The following TMEM184B variants were observed in gnomAD, a reference collection of about 807,000 sequenced individuals.
TMEM184B encodes putative MAPK-activating protein FM08.
Under a neutral mutation model 41.8 loss-of-function variants are expected in TMEM184B, and 17 were observed. That is an observed-to-expected ratio of 0.41 (90% CI 0.28 to 0.61). TMEM184B has a LOEUF of 0.61. Ranked by LOEUF, TMEM184B falls within the 20% of genes least tolerant of loss-of-function variation. TMEM184B has a pLI of 0.34. For missense variants in TMEM184B, 393 were observed against 557.8 expected (o/e 0.70, Z 2.98); for synonymous variants, 240 against 229.5 (o/e 1.05, Z -0.41).
chr22:38,245,731 C>T (rs1057145254), intron 3 of TMEM184B, among the ~76,000 whole-genome samples: 3 of 152,180 alleles, frequency 2.0e-5, no homozygotes, highest in Non-Finnish European at 4.4e-5. Context: ...GGTGGAGGGC[C>T]CTTGCTTCCA....
chr22:38,227,681 T>A (rs1269444335), intron 5 of TMEM184B, among the ~76,000 whole-genome samples: 1 of 152,136 alleles, frequency 6.6e-6, no homozygotes, highest in East Asian at 1.9e-4. Flanking sequence ...ACACTTGGCC[T>A]CTGAGCACAG....
Position 38,220,688 on chromosome 22 carries a change from G to T in TMEM184B, c.*781C>A. 1 of 986,348 alleles carries T rather than the reference G, an allele frequency of 1.0e-6. No homozygotes were observed. Among genetic ancestry groups the T allele is most frequent in the Non-Finnish European group, 1.2e-6 (1 of 830,292 alleles). The allele number at this position is 986,348 out of a possible 1,614,324, so 61.1% of individuals were successfully genotyped here. On this transcript the variant is annotated 3_prime_UTR_variant, in exon 9 of 9. Coordinates refer to ENST00000361906, the MANE Select transcript of TMEM184B (RefSeq NM_012264.5). The stretch of plus-strand genomic sequence containing the variant: ...CCAGGAAGCAAGGGCTCTGCCCAAA[G>T]CTATCGAGGAAGGACCCAAGTGAGC...
At chr22:38,248,797 T>C (rs2092098053) in intron 1 of TMEM184B, among the ~76,000 whole-genome samples, 1 of 152,312 alleles carries the variant, frequency 6.6e-6, no homozygotes, top group East Asian at 1.9e-4. Flanking sequence ...AACATCTTTA[T>C]ACCCTGGAGC....
At position 38,245,963 on chromosome 22, in the gene TMEM184B, G is replaced by A. The variant is rs2092019885; in HGVS notation, c.330C>T (p.Tyr110=). ...LFFTNDQYYV[Y]FGTVRDCYEA... ...CATAGCAGTCGCGGACGGTGCCGAAGTACACGTAGTACTGGTCGTTGGTGA... is the reference window on the plus strand; with the variant it reads ...CATAGCAGTCGCGGACGGTGCCGAAATACACGTAGTACTGGTCGTTGGTGA... The change falls in exon 3 of 9, where the codon TAC becomes TAT. Residue 110 remains tyrosine (Y), a synonymous_variant. Transcript: ENST00000361906. 6.9e-7 allele frequency: 1 copy of A among 1,457,662 alleles called. No individual in the cohort carries two copies. The highest frequency in any genetic ancestry group is 9.3e-7 in the Non-Finnish European group (1 of 1,080,140). The allele number at this position is 1,457,662 out of a possible 1,614,324, so 90.3% of individuals were successfully genotyped here.
chr22:38,229,581 C>T (rs1025540695), intron 5 of TMEM184B, among the ~76,000 whole-genome samples: 1 of 151,600 alleles, frequency 6.6e-6, no homozygotes, highest in Non-Finnish European at 1.5e-5. Flanking sequence ...CTCTAGACCA[C>T]AGGGAGGTCA....
intron 1 of TMEM184B, among the ~76,000 whole-genome samples, chr22:38,256,692 T>C (rs2092285499): frequency 6.6e-6 from 1 of 152,232 alleles, no homozygotes; most frequent in Non-Finnish European, 1.5e-5. Flanking sequence ...GAACAAATAG[T>C]GTAATGAATT....
chr22:38,223,416 T>C (rs1261818699), intron 8 of TMEM184B: 1 of 152,356 alleles, frequency 6.6e-6, no homozygotes, highest in Non-Finnish European at 1.5e-5. Flanking sequence ...GGGTGTGTGT[T>C]TGCTAGATCC....
In TMEM184B at chr22:38,241,883, CAAAAAAAAAA is replaced by C. The variant is rs34060428; in HGVS notation, c.358+4042_358+4051del. ...TGGGTGACAGAGCGAGACTCCGTCT[CAAAAAAAAAA>C]AAAAAAAAAAAAAAGAACGAGACCT... is the stretch of plus-strand genomic sequence containing the variant. On this transcript the variant is annotated intron_variant, in intron 3 of 8. Transcript: ENST00000361906. 5.6e-3 allele frequency among the ~76,000 whole-genome samples: 184 copies of C among 32,628 alleles called. 2 individuals carry two copies. The highest frequency in any genetic ancestry group is 0.016 in the African/African-American group (176 of 10,748). 21.4% of individuals were successfully genotyped at this position (32,628 alleles called of 152,430 possible).
chr22:38,268,374 C>CA (rs34786032), intron 1 of TMEM184B, among the ~76,000 whole-genome samples: 3,054 of 121,666 alleles, frequency 0.025, 123 homozygotes, highest in African/African-American at 0.088. Context: ...GACCCTGTCT[C>CA]AAAAAAAAAA....
chr22:38,231,354 G>C lies in TMEM184B; in HGVS notation c.359-20C>G. Reference sequence around the variant, plus strand: ...CCAAGGCTGCGAAGAGAGTGTCCAGGAGAAACCAGTCAAATCAGCAGAATG... The same window carrying C: ...CCAAGGCTGCGAAGAGAGTGTCCAGCAGAAACCAGTCAAATCAGCAGAATG... On this transcript the variant is annotated intron_variant, in intron 3 of 8. Transcript: ENST00000361906. 6.2e-7 allele frequency: 1 copy of C among 1,602,066 alleles called. No individual in the cohort carries two copies. The highest frequency in any genetic ancestry group is 1.3e-5 in the African/African-American group (1 of 74,774).
At chr22:38,261,520 C>T (rs1408525400) in intron 1 of TMEM184B, among the ~76,000 whole-genome samples, 1 of 152,146 alleles carries the variant, frequency 6.6e-6, no homozygotes, top group Non-Finnish European at 1.5e-5. Flanking sequence ...AGGGGAACAA[C>T]AAAGAAATCC....
At chr22:38,244,799 G>A (rs2091988370) in intron 3 of TMEM184B, among the ~76,000 whole-genome samples, 1 of 152,184 alleles carries the variant, frequency 6.6e-6, no homozygotes, top group Admixed American at 6.5e-5. Context: ...ATTCCTGCTG[G>A]CCTGTCTAGG....
chr22:38,257,408 C>T lies in TMEM184B; in HGVS notation c.-58-9389G>A, dbSNP rs926453013. Among the ~76,000 whole-genome samples, 8 of 152,054 alleles carry T rather than the reference C, an allele frequency of 5.3e-5. No individual in the cohort carries two copies. In the East Asian group the frequency reaches 1.3e-3, roughly 26 times the overall value. On this transcript the variant is annotated intron_variant, in intron 1 of 8. Transcript: ENST00000361906. ...GGACGGGATGGAAAAATGAGTAACC[C>T]GATTTAGAAAGAAAGCCAAGGATGC...
downstream of TMEM184B, among the ~76,000 whole-genome samples, chr22:38,217,683 G>A (rs1267826020): frequency 6.6e-6 from 1 of 150,450 alleles, no homozygotes; most frequent in Non-Finnish European, 1.5e-5. Context: ...GAAAAACATA[G>A]CTGAGTGTGG....
chr22:38,226,548 C>A lies in TMEM184B; in HGVS notation c.617+231G>T, dbSNP rs2091445295. 4 of 493,276 alleles carry A rather than the reference C, an allele frequency of 8.1e-6. No homozygotes were observed. The highest frequency in any genetic ancestry group is 1.5e-5 in the Non-Finnish European group (4 of 266,298). 30.6% of individuals were successfully genotyped at this position (493,276 alleles called of 1,614,324 possible). On this transcript the variant is annotated intron_variant, in intron 6 of 8. Coordinates refer to ENST00000361906, the MANE Select transcript of TMEM184B (RefSeq NM_012264.5). The surrounding 1 kb of genome is among the most constrained non-coding windows in gnomAD (Gnocchi z 4.6). The stretch of plus-strand genomic sequence containing the variant: ...TGGCCCATCCCTTCATGGTACCACT[C>A]TGCAGCCTGGACATGAACGTGACTG...
rs572918527 is a variant in TMEM184B, at chr22:38,245,059, C to G, written c.358+876G>C. 3.1e-3 allele frequency among the ~76,000 whole-genome samples: 472 copies of G among 152,338 alleles called. 2 individuals are homozygous for G. The highest frequency in any genetic ancestry group is 0.011 in the African/African-American group (459 of 41,580). ...CACTCCACATCCAGAACCAAGTCCC[C>G]GGAAGGAATCGAGTCTTCTTCCTGG... On this transcript the variant is annotated intron_variant, in intron 3 of 8. Transcript: ENST00000361906.
At chr22:38,257,080 C>G (rs2092294117) in intron 1 of TMEM184B, among the ~76,000 whole-genome samples, 2 of 147,784 alleles carry the variant, frequency 1.4e-5, no homozygotes, top group African/African-American at 2.5e-5. Context: ...CTCCAGAATT[C>G]AAGTGATTCT....
Position 38,226,683 on chromosome 22 carries a change from G to T in TMEM184B, c.617+96C>A. 2 of 1,252,514 alleles carry T rather than the reference G, an allele frequency of 1.6e-6. No individual in the cohort carries two copies. The highest frequency in any genetic ancestry group is 2.2e-6 in the Non-Finnish European group (2 of 889,372). The allele number at this position is 1,252,514 out of a possible 1,614,324, so 77.6% of individuals were successfully genotyped here. A position where few individuals can be genotyped will look rare whatever the true frequency, so the allele number is the denominator to read the frequency against. On this transcript the variant is annotated intron_variant, in intron 6 of 8. Transcript: ENST00000361906. This position sits in a 1 kb window ranked among gnomAD's most constrained non-coding sequence, Gnocchi z 4.6. The stretch of plus-strand genomic sequence containing the variant: ...GCACCAGACACCCAGGAAGGTCATG[G>T]CTGTGCGGCCACTCTGGCTGCCCCC...
chr22:38,221,025 C>T lies in TMEM184B; in HGVS notation c.*444G>A, dbSNP rs1174944808. ...AAGGTGGACAGGGGAGGGATGCAGG[C>T]GGGAAGAGCCCAGGTCAGACAGGGT... On this transcript the variant is annotated 3_prime_UTR_variant, in exon 9 of 9. Transcript: ENST00000361906. The T allele has an allele frequency of 1.7e-5, 17 of 1,005,292 alleles. No individual in the cohort carries two copies. Among genetic ancestry groups the T allele is most frequent in the Non-Finnish European group, 2.0e-5 (17 of 842,748 alleles). The allele number at this position is 1,005,292 out of a possible 1,614,324, so 62.3% of individuals were successfully genotyped here.
Sources: allele counts gnomAD v4.1 joint callset (sites outside exome capture counted in the v4.1 genomes callset), GRCh38; gene constraint gnomAD v4.1.1; non-coding constraint Gnocchi (gnomAD v3.1); transcripts MANE v1.5; gene names NCBI Gene and HGNC (gene_info 2026-07-23, HGNC 2026-07-21).